PRDM2: variants seen among roughly 807,000 people sequenced by gnomAD.
PRDM2 encodes the protein PR/SET domain 2.
PRDM2 carries 30 observed loss-of-function variants against 130.0 expected under a neutral mutation model. The ratio of observed to expected loss-of-function variants is 0.23; its 90% CI spans 0.17 to 0.31. PRDM2 has a LOEUF of 0.31. PRDM2 is among the 10% of genes least tolerant of loss of function. The pLI, the probability that PRDM2 is intolerant of heterozygous loss-of-function variation, is 1.00. For synonymous variants in PRDM2, 871 were observed against 782.4 expected, an observed-to-expected ratio of 1.11 and a Z score of -1.89; for missense variants, 2,011 against 2,108.4, an observed-to-expected ratio of 0.95 and a Z score of 0.90.
rs117820429 is a variant in PRDM2, at chr1:13,733,801, G to T, written c.231+919G>T. Reference sequence around the variant, plus strand: ...CCTGAGTTCTTAAAGGAGCTCCATGGTGTGACTCCTTTTCAAAACAAGTTA... The same window carrying T: ...CCTGAGTTCTTAAAGGAGCTCCATGTTGTGACTCCTTTTCAAAACAAGTTA... On this transcript the variant is annotated intron_variant, in intron 4 of 9. Transcript: ENST00000311066. 2.6e-3 allele frequency among the ~76,000 whole-genome samples: 391 copies of T among 152,268 alleles called. 6 individuals are homozygous for T. Among genetic ancestry groups the T allele is most frequent in the East Asian group, 0.014 (70 of 5,184 alleles).
At chr1:13,751,211 T>C (rs891770151) in intron 6 of PRDM2, among the ~76,000 whole-genome samples, 57 of 151,206 alleles carry the variant, frequency 3.8e-4, no homozygotes, top group African/African-American at 1.4e-3. Context: ...AATAGCTGCA[T>C]TTTTATACCT....
chr1:13,778,300 C>T lies in PRDM2; in HGVS notation c.623-118C>T, dbSNP rs1019764042. 6.1e-5 allele frequency: 64 copies of T among 1,042,784 alleles called. No homozygotes were observed. In the Middle Eastern group the frequency reaches 7.1e-4, roughly 12 times the overall value. 64.6% of individuals were successfully genotyped at this position (1,042,784 alleles called of 1,614,324 possible). ...AAAGTAGAAGTAATTTATTGTTCATCATCATCTCCCTTATGTTTTAGGTGG... is the reference window on the plus strand; with the variant it reads ...AAAGTAGAAGTAATTTATTGTTCATTATCATCTCCCTTATGTTTTAGGTGG... On this transcript the variant is annotated intron_variant, in intron 7 of 9. Transcript: ENST00000311066.
chr1:13,731,164 G>GAAGCCTCACTGCCACCTGCTC, intron 3 of PRDM2, 47 bp downstream of exon 3: 1 of 1,494,112 alleles, frequency 6.7e-7, no homozygotes, highest in Non-Finnish European at 9.3e-7. Context: ...TAAAGAGCAG[G>GAAGCCTCACTGCCACCTGCTC]TGGCAGTGAG....
At chr1:13,792,462 A>G (rs1644855150) in intron 8 of PRDM2, among the ~76,000 whole-genome samples, 1 of 152,322 alleles carries the variant, frequency 6.6e-6, no homozygotes, top group East Asian at 1.9e-4. Context: ...AAACTCATGG[A>G]TTCAATTTTC....
In PRDM2 at chr1:13,816,549, C is replaced by T; in HGVS notation, c.*2C>T. The T allele has an allele frequency of 6.2e-7, 1 of 1,614,154 alleles. No homozygotes were observed. Among genetic ancestry groups the T allele is most frequent in the Admixed American group, 1.7e-5 (1 of 60,030 alleles). On this transcript the variant is annotated 3_prime_UTR_variant, in exon 9 of 10. Transcript: ENST00000311066. ...CAGGGACCATTCTTCAAAGAGTAGACACTCTGGCTGCTCCCTGACAGGTAC... is the reference window on the plus strand; with the variant it reads ...CAGGGACCATTCTTCAAAGAGTAGATACTCTGGCTGCTCCCTGACAGGTAC...
intron 4 of PRDM2, 100 bp downstream of exon 4, chr1:13,732,982 T>C: frequency 1.2e-6 from 1 of 861,322 alleles, no homozygotes; most frequent in Non-Finnish European, 1.8e-6. Context: ...ATCATTTTAA[T>C]GTGTTCTTTA....
rs1477992680 is a variant in PRDM2 at position 13,700,265 on chromosome 1, C to T, written c.-101C>T. 1.3e-5 allele frequency: 2 copies of T among 150,820 alleles called. No homozygotes were observed. Among genetic ancestry groups the T allele is most frequent in the African/African-American group, 4.9e-5 (2 of 41,082 alleles). The allele number at this position is 150,820 out of a possible 1,614,324, so 9.3% of individuals were successfully genotyped here. A position where few individuals can be genotyped will look rare whatever the true frequency, so the allele number is the denominator to read the frequency against. On this transcript the variant is annotated 5_prime_UTR_variant, in exon 1 of 10. Transcript: ENST00000311066. ...GCGAAACAGCGGCGGCGGCGGCGGC[C>T]CTCGGTGCTCTGAGGCGCTGGCGCG...
At chr1:13,715,446 G>A in intron 1 of PRDM2, 95 bp from the exon 2 acceptor site, 1 of 468,194 alleles carries the variant, frequency 2.1e-6, no homozygotes, top group East Asian at 3.7e-5. Flanking sequence ...TTTATAAATA[G>A]CCCTTTCAGC....
At chr1:13,730,955 A>C in intron 2 of PRDM2, 45 bp from the exon 3 acceptor site, 2 of 1,228,434 alleles carry the variant, frequency 1.6e-6, no homozygotes, top group South Asian at 2.9e-5. Context: ...CCATGATTTG[A>C]GTTTTCTTTC....
At chr1:13,793,203 A>G (rs1015647272) in intron 8 of PRDM2, among the ~76,000 whole-genome samples, 2 of 152,248 alleles carry the variant, frequency 1.3e-5, no homozygotes, top group Non-Finnish European at 2.9e-5. Flanking sequence ...CAGAGTGACC[A>G]GCTTCCTGGC....
At chr1:13,740,829 G>A (rs1302592939) in intron 4 of PRDM2, among the ~76,000 whole-genome samples, 1 of 152,154 alleles carries the variant, frequency 6.6e-6, no homozygotes, top group Non-Finnish European at 1.5e-5. Context: ...GGCAATCACA[G>A]GCCTAGACAC....
At chr1:13,804,445 C>T (rs1312701625) in intron 8 of PRDM2, among the ~76,000 whole-genome samples, 1 of 151,180 alleles carries the variant, frequency 6.6e-6, no homozygotes, top group African/African-American at 2.5e-5. Flanking sequence ...AGCATGCTGC[C>T]CACACTTGAG....
chr1:13,749,357 G>A lies in PRDM2; in HGVS notation c.385-4G>A, dbSNP rs774367029. On this transcript the variant is annotated splice_polypyrimidine_tract_variant and splice_region_variant and intron_variant, in intron 5 of 9. Transcript: ENST00000311066. ...CCCGGCGCTTGTCTCTTCTCTCCCC[G>A]CAGCCAATCGCGCCGGGCGAGGAGC... 72 of 1,473,986 alleles carry A rather than the reference G, an allele frequency of 4.9e-5. No homozygotes were observed. The highest frequency in any genetic ancestry group is 5.8e-5 in the Non-Finnish European group (64 of 1,096,352). 91.3% of individuals were successfully genotyped at this position (1,473,986 alleles called of 1,614,324 possible).
At chr1:13,719,747 A>G (rs1642662333) in intron 2 of PRDM2, among the ~76,000 whole-genome samples, 1 of 151,728 alleles carries the variant, frequency 6.6e-6, no homozygotes, top group Non-Finnish European at 1.5e-5. Flanking sequence ...TCTTAACCAA[A>G]TAATTTAATG....
At chr1:13,788,060 A>G (rs1644777128) in intron 8 of PRDM2, 2 of 979,398 alleles carry the variant, frequency 2.0e-6, no homozygotes, top group Non-Finnish European at 2.4e-6. Flanking sequence ...TATTGTAACC[A>G]ATAAAAAACT....
chr1:13,711,555 A>G (rs1436762260), intron 1 of PRDM2, among the ~76,000 whole-genome samples: 1 of 152,212 alleles, frequency 6.6e-6, no homozygotes, highest in Non-Finnish European at 1.5e-5. Flanking sequence ...AGTCTTGCTC[A>G]AGGAGTTGGC....
intron 9 of PRDM2, among the ~76,000 whole-genome samples, chr1:13,817,341 T>C (rs1204312305): frequency 1.3e-5 from 2 of 152,120 alleles, no homozygotes; most frequent in Non-Finnish European, 2.9e-5. Context: ...AATATAAAAC[T>C]CAGATTTATT....
intron 8 of PRDM2, among the ~76,000 whole-genome samples, chr1:13,785,722 AG>A (rs1330052537): frequency 7.3e-6 from 1 of 136,228 alleles, no homozygotes; most frequent in Non-Finnish European, 1.5e-5. Flanking sequence ...TCTGTTGCTA[AG>A]GGTTCATTTC....
intron 4 of PRDM2, among the ~76,000 whole-genome samples, chr1:13,741,720 T>TGTGTGTG (rs1643447176): frequency 6.2e-5 from 7 of 112,596 alleles, no homozygotes; most frequent in African/African-American, 2.5e-4. Context: ...CTCTTTAAGT[T>TGTGTGTG]TGTGTGTGTG....
Sources: gnomAD v4.1 joint callset for allele counts (sites outside exome capture counted in the v4.1 genomes callset) on GRCh38, gnomAD v4.1.1 for gene constraint, MANE v1.5 for transcripts, NCBI Gene and HGNC (gene_info 2026-07-23, HGNC 2026-07-21) for gene names.